Variants in RSU1 observed in about 807,000 individuals in gnomAD.
RSU1 encodes the protein Ras suppressor protein 1.
A neutral mutation model predicts 31.1 loss-of-function variants in RSU1; 26 were observed. The observed-to-expected ratio is 0.84, with a 90% CI of 0.61 to 1.16. The LOEUF is 1.16. Ranked by LOEUF, RSU1 falls within the 50% of genes most tolerant of loss-of-function variation. The pLI is 0.00. For synonymous variants in RSU1, 164 were observed against 136.3 expected, an observed-to-expected ratio of 1.20 and a Z score of -1.41; for missense variants, 320 against 339.1, an observed-to-expected ratio of 0.94 and a Z score of 0.44.
intron 7 of RSU1, among the ~76,000 whole-genome samples, chr10:16,710,085 T>C (rs1449250597): frequency 6.6e-6 from 1 of 152,228 alleles, no homozygotes; most frequent in Non-Finnish European, 1.5e-5. Flanking sequence ...GTTGGCATCC[T>C]TGTCTTGTTC....
At position 16,609,393 on chromosome 10, in the gene RSU1, G is replaced by A. The variant is rs112817983; in HGVS notation, c.732-15897C>T. ...TGTGGGTGGGGAGGGAAGAGCCGAA[G>A]CTTGTCATAACAGCCCCTAGCATCC... On this transcript the variant is annotated intron_variant, in intron 8 of 8. Transcript: ENST00000345264. Among the ~76,000 whole-genome samples, 290 of 152,296 alleles carry A rather than the reference G, an allele frequency of 1.9e-3. 2 individuals carry two copies. The highest frequency in any genetic ancestry group is 8.1e-3 in the South Asian group (39 of 4,830).
intron 8 of RSU1, among the ~76,000 whole-genome samples, chr10:16,633,101 G>A (rs1226300002): frequency 6.6e-6 from 1 of 152,040 alleles, no homozygotes; most frequent in African/African-American, 2.4e-5. Context: ...TGAACTGTAG[G>A]GTCTTTATCA....
chr10:16,698,421 C>T (rs991839510), intron 7 of RSU1, among the ~76,000 whole-genome samples: 50 of 152,264 alleles, frequency 3.3e-4, no homozygotes, highest in South Asian at 4.1e-4. Flanking sequence ...CACTCTGGAA[C>T]GCACACAGCC....
At chr10:16,751,600 C>T (rs1836982641) in intron 7 of RSU1, among the ~76,000 whole-genome samples, 1 of 152,206 alleles carries the variant, frequency 6.6e-6, no homozygotes, top group African/African-American at 2.4e-5. Context: ...TTTCTGAGCA[C>T]CTACTGTACC....
At chr10:16,662,890 A>G (rs1017391958) in intron 8 of RSU1, among the ~76,000 whole-genome samples, 2 of 152,166 alleles carry the variant, frequency 1.3e-5, no homozygotes, top group Non-Finnish European at 2.9e-5. Context: ...AGTTAAAGAT[A>G]AGATTAAATT....
At chr10:16,704,840 C>T (rs147959280) in intron 7 of RSU1, among the ~76,000 whole-genome samples, 17 of 151,928 alleles carry the variant, frequency 1.1e-4, no homozygotes, top group African/African-American at 4.1e-4. Context: ...GTTAATTTTT[C>T]CCCCACTTTT....
At chr10:16,645,924 ATATACACATATGTGTATATATATGTG>A (rs1186160121) in intron 8 of RSU1, among the ~76,000 whole-genome samples, 3,610 of 27,382 alleles carry the variant, frequency 0.13, 875 homozygotes, top group Non-Finnish European at 0.15. Context: ...ATATATGTGT[ATATACACATATGTGTATATATATGTG>A]TATATACATA....
chr10:16,700,335 G>A (rs1052455230), intron 7 of RSU1, among the ~76,000 whole-genome samples: 1 of 151,846 alleles, frequency 6.6e-6, no homozygotes, highest in Non-Finnish European at 1.5e-5. Context: ...GGTCTAACAA[G>A]GTAAAACTAA....
At chr10:16,664,225 T>G (rs2131530280) in intron 8 of RSU1, among the ~76,000 whole-genome samples, 1 of 152,276 alleles carries the variant, frequency 6.6e-6, no homozygotes, top group African/African-American at 2.4e-5. Context: ...AAATTACAGA[T>G]CACTCCACGG....
intron 8 of RSU1, among the ~76,000 whole-genome samples, chr10:16,674,466 A>C (rs1564311703): frequency 6.6e-6 from 1 of 151,374 alleles, no homozygotes; most frequent in Non-Finnish European, 1.5e-5. Flanking sequence ...AGTATGCTTG[A>C]AACAACAACA....
chr10:16,673,932 A>C (rs1293942380), intron 8 of RSU1, among the ~76,000 whole-genome samples: 1 of 152,124 alleles, frequency 6.6e-6, no homozygotes, highest in East Asian at 1.9e-4. Flanking sequence ...AGCAATTACT[A>C]TAGTTCAAAG....
chr10:16,655,498 G>A (rs1431364992), intron 8 of RSU1, among the ~76,000 whole-genome samples: 1 of 152,160 alleles, frequency 6.6e-6, no homozygotes, highest in Non-Finnish European at 1.5e-5. Flanking sequence ...GAGCTTAGCA[G>A]AGTATGTGAT....
At chr10:16,611,120 T>A (rs921139960) in intron 8 of RSU1, among the ~76,000 whole-genome samples, 1 of 152,154 alleles carries the variant, frequency 6.6e-6, no homozygotes, top group Non-Finnish European at 1.5e-5. Flanking sequence ...CATGAGGCCC[T>A]CCCTGGGGGC....
intron 2 of RSU1, among the ~76,000 whole-genome samples, chr10:16,811,936 C>T (rs1838418176): frequency 6.6e-6 from 1 of 152,164 alleles, no homozygotes; most frequent in Non-Finnish European, 1.5e-5. Flanking sequence ...TGGGTCAGAA[C>T]TGAGTATTCT....
chr10:16,620,651 A>G (rs369412559), intron 8 of RSU1, among the ~76,000 whole-genome samples: 6 of 151,918 alleles, frequency 3.9e-5, no homozygotes, highest in Non-Finnish European at 7.4e-5. Context: ...CAAGACCATC[A>G]TGGCTAACAC....
intron 8 of RSU1, among the ~76,000 whole-genome samples, chr10:16,643,714 C>T (rs73601072): frequency 6.6e-6 from 1 of 152,058 alleles, no homozygotes; most frequent in African/African-American, 2.4e-5. Context: ...AGACTTGGAA[C>T]ATGGTTCTCC....
intron 8 of RSU1, among the ~76,000 whole-genome samples, chr10:16,620,117 T>C (rs375095966): frequency 7.9e-5 from 12 of 152,206 alleles, no homozygotes; most frequent in African/African-American, 2.9e-4. Context: ...TTTATCAGAA[T>C]AGCAATGTCA....
At chr10:16,677,072 A>ACT (rs1835247987) in intron 8 of RSU1, among the ~76,000 whole-genome samples, 1 of 152,208 alleles carries the variant, frequency 6.6e-6, no homozygotes, top group Admixed American at 6.5e-5. Context: ...AAGTCAAATG[A>ACT]TCATGTACAT....
At chr10:16,670,105 T>G (rs1444393256) in intron 8 of RSU1, among the ~76,000 whole-genome samples, 1 of 152,182 alleles carries the variant, frequency 6.6e-6, no homozygotes, top group Non-Finnish European at 1.5e-5. Context: ...TGCAAATCAA[T>G]TCAGTAAGTT....
Sources: gnomAD v4.1 joint callset for allele counts (sites outside exome capture counted in the v4.1 genomes callset) on GRCh38, gnomAD v4.1.1 for gene constraint, MANE v1.5 for transcripts, NCBI Gene and HGNC (gene_info 2026-07-23, HGNC 2026-07-21) for gene names.